GSDMC: variants seen among roughly 807,000 people sequenced by gnomAD.
GSDMC encodes the protein gasdermin-C.
In GSDMC, 59 loss-of-function variants were observed where a neutral mutation model predicts 58.0. The ratio of observed to expected loss-of-function variants is 1.02; its 90% confidence interval spans 0.82 to 1.26. The LOEUF is 1.26. Ranked by LOEUF, GSDMC falls within the 50% of genes most tolerant of loss-of-function variation. GSDMC has a pLI of 0.00. For synonymous variants in GSDMC, 241 were observed against 220.2 expected (o/e 1.09, Z -0.83); for missense variants, 659 against 598.5 (o/e 1.10, Z -1.06).
At chr8:129,772,080 C>T (rs1180610483) in intron 3 of GSDMC, among the ~76,000 whole-genome samples, 5 of 151,826 alleles carry the variant, frequency 3.3e-5, no homozygotes, top group South Asian at 2.1e-4. Context: ...CTGGCTAACA[C>T]GGTGAAACTC....
intron 1 of GSDMC, among the ~76,000 whole-genome samples, chr8:129,778,884 A>G (rs2034326991): frequency 6.6e-6 from 1 of 152,208 alleles, no homozygotes; most frequent in African/African-American, 2.4e-5. Context: ...ATCATTAGAG[A>G]AACACAAATC....
In GSDMC at chr8:129,749,440, G is replaced by A. The variant is rs1257716258; in HGVS notation, c.1287+12C>T. The A allele has an allele frequency of 1.9e-6, 3 of 1,591,300 alleles. No individual in the cohort carries two copies. The highest frequency in any genetic ancestry group is 1.7e-6 in the Non-Finnish European group (2 of 1,159,286). On this transcript the variant is annotated intron_variant, in intron 13 of 13. Transcript: ENST00000276708. ...CTCTTCCCTGAACTTCTGGCCCCTG[G>A]GAAGTTCTCACCAGCTCCTGTTGCT...
At chr8:129,732,248 C>A in the GSDMC span, among the ~76,000 whole-genome samples, 1 of 151,636 alleles carries the variant, frequency 6.6e-6, no homozygotes, top group Admixed American at 6.6e-5. Flanking sequence ...GATTTCCCAT[C>A]CTCCAGAACT....
rs1356010953 is a variant in GSDMC, at chr8:129,786,249, T to C, written c.-243A>G. Reference sequence around the variant, plus strand: ...TTGGGAGGCTGAGGCAGAGAACTGCTTGAACCCGGGAGGCAGAGGTTGCAG... The same window carrying C: ...TTGGGAGGCTGAGGCAGAGAACTGCCTGAACCCGGGAGGCAGAGGTTGCAG... On this transcript the variant is annotated 5_prime_UTR_variant, in exon 1 of 14. Coordinates refer to ENST00000276708, the MANE Select transcript of GSDMC (RefSeq NM_031415.3). The C allele has an allele frequency of 6.6e-6, 1 of 152,076 alleles. No individual in the cohort carries two copies. The allele number at this position is 152,076 out of a possible 1,614,324, so 9.4% of individuals were successfully genotyped here. A position where few individuals can be genotyped will look rare whatever the true frequency, so the allele number is the denominator to read the frequency against.
the GSDMC span, among the ~76,000 whole-genome samples, chr8:129,724,752 T>C: frequency 1.3e-5 from 2 of 152,118 alleles, no homozygotes; most frequent in East Asian, 1.9e-4. Context: ...TTGGAAATTA[T>C]GGAAAAAAAT....
At chr8:129,760,296 T>G (rs1042257289) in intron 6 of GSDMC, among the ~76,000 whole-genome samples, 2 of 152,164 alleles carry the variant, frequency 1.3e-5, no homozygotes, top group African/African-American at 2.4e-5. Context: ...ACCTAGCATT[T>G]GATAGCACAA....
At chr8:129,754,947 A>G in intron 6 of GSDMC, among the ~76,000 whole-genome samples, 1 of 152,174 alleles carries the variant, frequency 6.6e-6, no homozygotes, top group East Asian at 1.9e-4. Context: ...ATAAAAAACA[A>G]TGAAGCACAC....
chr8:129,781,096 A>T (rs939802676), intron 1 of GSDMC, among the ~76,000 whole-genome samples: 6 of 152,222 alleles, frequency 3.9e-5, no homozygotes, highest in South Asian at 2.1e-4. Context: ...GATTACCTTC[A>T]CTAAAAGGAA....
At position 129,748,604 on chromosome 8, in the gene GSDMC, A is replaced by T; in HGVS notation, c.1424T>A (p.Met475Lys). Residue 475 changes from methionine (M) to lysine (K), a missense_variant, in exon 14 of 14, where the codon ATG (methionine) becomes AAG (lysine). By Grantham distance (95) the Met-to-Lys change is moderately conservative. Coordinates refer to ENST00000276708, the MANE Select transcript of GSDMC (RefSeq NM_031415.3). ...GGTTGACCTGGGGTTATCCAGCTCC[A>T]TCCTAAGGCCACACTCCTCCAGCAG... is the stretch of plus-strand genomic sequence containing the variant. ...YGLLEECGLRMELDNPRSTWD... is the reference protein window; with the variant it reads ...YGLLEECGLRKELDNPRSTWD... 1.9e-6 allele frequency: 3 copies of T among 1,613,302 alleles called. No homozygotes were observed. The highest frequency in any genetic ancestry group is 1.7e-6 in the Non-Finnish European group (2 of 1,179,662).
the GSDMC span, among the ~76,000 whole-genome samples, chr8:129,722,469 C>A: frequency 6.6e-6 from 1 of 152,194 alleles, no homozygotes; most frequent in African/African-American, 2.4e-5. Context: ...CAGAATTTGG[C>A]AGCTCTGAGT....
chr8:129,737,146 C>T, the GSDMC span, among the ~76,000 whole-genome samples: 1 of 152,090 alleles, frequency 6.6e-6, no homozygotes, highest in Admixed American at 6.5e-5. Flanking sequence ...AAAGAGGACA[C>T]AAACAAATGG....
the GSDMC span, among the ~76,000 whole-genome samples, chr8:129,725,302 G>A: frequency 3.9e-5 from 6 of 152,262 alleles, no homozygotes; most frequent in South Asian, 1.2e-3. Context: ...ATCCTCCCTG[G>A]AACCTCAGGT....
chr8:129,726,533 T>C, the GSDMC span, among the ~76,000 whole-genome samples: 1 of 152,178 alleles, frequency 6.6e-6, no homozygotes, highest in Non-Finnish European at 1.5e-5. Context: ...TAGAAAAATA[T>C]TACTAGTCAC....
At chr8:129,756,454 G>A (rs1479144170) in intron 6 of GSDMC, among the ~76,000 whole-genome samples, 1 of 151,950 alleles carries the variant, frequency 6.6e-6, no homozygotes, top group African/African-American at 2.4e-5. Flanking sequence ...ACAGTAATAG[G>A]TGGAGACCTC....
At chr8:129,711,178 C>T in the GSDMC span, among the ~76,000 whole-genome samples, 1 of 152,192 alleles carries the variant, frequency 6.6e-6, no homozygotes, top group Admixed American at 6.5e-5. Flanking sequence ...ATGCTAAGCT[C>T]TTTACATGAA....
chr8:129,730,364 T>A, the GSDMC span: 1 of 1,287,232 alleles, frequency 7.8e-7, no homozygotes, highest in Non-Finnish European at 1.1e-6. Context: ...AAGGAGATTA[T>A]CTACTGGATG....
At chr8:129,729,636 G>A in the GSDMC span, among the ~76,000 whole-genome samples, 5 of 152,272 alleles carry the variant, frequency 3.3e-5, no homozygotes, top group East Asian at 9.6e-4. Flanking sequence ...CAAAGGACAT[G>A]AACTCATCCT....
intron 7 of GSDMC, among the ~76,000 whole-genome samples, chr8:129,752,430 GA>G (rs1297771948): frequency 6.6e-6 from 1 of 152,184 alleles, no homozygotes; most frequent in Non-Finnish European, 1.5e-5. Flanking sequence ...ACAGTTGCAG[GA>G]AATGGAGGAG....
chr8:129,763,249 A>T (rs2033738478), intron 4 of GSDMC, among the ~76,000 whole-genome samples: 1 of 152,186 alleles, frequency 6.6e-6, no homozygotes, highest in Non-Finnish European at 1.5e-5. Flanking sequence ...TGTACCTCTC[A>T]CACTTGATTG....
Sources: gnomAD v4.1 joint callset for allele counts (sites outside exome capture counted in the v4.1 genomes callset) on GRCh38, gnomAD v4.1.1 for gene constraint, MANE v1.5 for transcripts, NCBI Gene and HGNC (gene_info 2026-07-23, HGNC 2026-07-21) for gene names.